The following NCR1 variants were observed in gnomAD, a reference collection of about 807,000 sequenced individuals.
NCR1 encodes the protein NK cell-activating receptor.
A neutral mutation model predicts 32.5 loss-of-function variants in NCR1; 30 were observed. That is an observed-to-expected ratio of 0.92 (90% CI 0.69 to 1.25). The LOEUF is 1.25. Ranked by LOEUF, NCR1 falls within the 50% of genes most tolerant of loss-of-function variation. The probability of loss-of-function intolerance (pLI) is 0.00; values close to 1 mark genes in which losing one functional copy is unlikely to be tolerated. For synonymous variants in NCR1, 169 were observed against 143.4 expected (o/e 1.18, Z -1.28); for missense variants, 369 against 380.7 (o/e 0.97, Z 0.26).
chr19:54,914,855 T>G (rs1445339476), downstream of NCR1, among the ~76,000 whole-genome samples: 2 of 151,748 alleles, frequency 1.3e-5, no homozygotes, highest in Non-Finnish European at 2.9e-5. Flanking sequence ...TTCTCCTTCC[T>G]CAGCCTCCCA....
chr19:54,932,914 C>T, the NCR1 span, among the ~76,000 whole-genome samples: 2 of 151,966 alleles, frequency 1.3e-5, no homozygotes, highest in African/African-American at 4.8e-5. Context: ...ACCACCTGTT[C>T]CCCAATAACC....
intron 5 of NCR1, 119 bp from the exon 6 acceptor site, chr19:54,912,049 C>T (rs1426791369): frequency 5.0e-5 from 43 of 858,804 alleles, no homozygotes; most frequent in Admixed American, 7.6e-5. Flanking sequence ...TCCTGGGACC[C>T]GCAGGGTGAG....
At chr19:54,903,052 C>G (rs965213449), upstream of NCR1, among the ~76,000 whole-genome samples, 18 of 151,986 alleles carry the variant, frequency 1.2e-4, no homozygotes, top group African/African-American at 4.3e-4. Context: ...ATTGCTTGAA[C>G]CCAGGAGGTG....
the NCR1 span, among the ~76,000 whole-genome samples, chr19:54,901,009 G>A: frequency 1.3e-5 from 2 of 151,798 alleles, no homozygotes; most frequent in Non-Finnish European, 2.9e-5. Context: ...AAAAGGCCGG[G>A]TGCGGTGGCT....
chr19:54,909,868 G>T (rs2067865810), intron 4 of NCR1, 150 bp from the exon 5 acceptor site: 2 of 687,188 alleles, frequency 2.9e-6, no homozygotes, highest in Non-Finnish European at 2.4e-6. Flanking sequence ...CCGGGAGGCG[G>T]GGGTTGTAGT....
chr19:54,919,208 A>C (rs2068192127), downstream of NCR1, among the ~76,000 whole-genome samples: 1 of 150,762 alleles, frequency 6.6e-6, no homozygotes, highest in Non-Finnish European at 1.5e-5. Context: ...GTAGAAATAA[A>C]GACACAAGAC....
chr19:54,938,014 G>A, the NCR1 span: 1 of 1,549,204 alleles, frequency 6.5e-7, no homozygotes, highest in African/African-American at 1.4e-5. Context: ...ATCGTTCAGG[G>A]TCTTCCTTGC....
At chr19:54,936,177 G>T in the NCR1 span, 6 of 1,229,644 alleles carry the variant, frequency 4.9e-6, no homozygotes, top group Non-Finnish European at 7.2e-6. Flanking sequence ...GGCATCTGGA[G>T]TGGTTACCCT....
the NCR1 span, among the ~76,000 whole-genome samples, chr19:54,922,328 C>T: frequency 0.11 from 16,437 of 152,152 alleles, 1,074 homozygotes; most frequent in Middle Eastern, 0.25. Flanking sequence ...AGGAAAATTG[C>T]GGAGTGACTT....
downstream of NCR1, among the ~76,000 whole-genome samples, chr19:54,920,418 T>C (rs1056418252): frequency 3.3e-5 from 5 of 152,182 alleles, no homozygotes; most frequent in Non-Finnish European, 5.9e-5. Context: ...CCAAACGTCA[T>C]GTACAAGCCC....
the NCR1 span, among the ~76,000 whole-genome samples, chr19:54,930,864 C>T: frequency 6.6e-6 from 1 of 151,896 alleles, no homozygotes; most frequent in Non-Finnish European, 1.5e-5. Flanking sequence ...TATAGGTGCC[C>T]GCCACCTATA....
At chr19:54,933,620 T>C in the NCR1 span, 1 of 1,614,148 alleles carries the variant, frequency 6.2e-7, no homozygotes, top group Non-Finnish European at 8.5e-7. Context: ...ACACAGAAAC[T>C]TCACCCCTGT....
chr19:54,917,311 CAAA>C (rs113522104), downstream of NCR1, among the ~76,000 whole-genome samples: 5 of 146,952 alleles, frequency 3.4e-5, no homozygotes, highest in African/African-American at 1.3e-4. Flanking sequence ...TGTGACTCCT[CAAA>C]AAAAAACAAA....
chr19:54,915,786 G>T (rs184085637), downstream of NCR1: 348 of 145,806 alleles, frequency 2.4e-3, no homozygotes, highest in Non-Finnish European at 4.2e-3. Flanking sequence ...AGGTTGCGGT[G>T]AGCCAAAATC....
At chr19:54,899,895 C>A in the NCR1 span, among the ~76,000 whole-genome samples, 1 of 151,802 alleles carries the variant, frequency 6.6e-6, no homozygotes, top group Non-Finnish European at 1.5e-5. Context: ...TTTGGGTCCA[C>A]GAATAAAGCG....
chr19:54,925,693 G>A, the NCR1 span, among the ~76,000 whole-genome samples: 98 of 152,178 alleles, frequency 6.4e-4, no homozygotes, highest in African/African-American at 2.3e-3. Context: ...ACTAAAGGTA[G>A]ATTACGTTAA....
rs2068045188 is a variant in NCR1 at position 54,912,832 on chromosome 19, T to C, written c.876T>C (p.Thr292=). 1 of 1,613,290 alleles carries C rather than the reference T, an allele frequency of 6.2e-7. No homozygotes were observed. Among genetic ancestry groups the C allele is most frequent in the Non-Finnish European group, 8.5e-7 (1 of 1,179,914 alleles). ...RTRERASRAS[T]WEGRRRLNTQ... The stretch of plus-strand genomic sequence containing the variant: ...GAGAGCGAGCCAGCAGAGCTTCCAC[T>C]TGGGAAGGCAGGAGAAGGCTGAACA... The change falls in exon 7 of 7, where the codon ACT becomes ACC. Residue 292 remains threonine (T), a synonymous_variant. Transcript: ENST00000291890.
the NCR1 span, among the ~76,000 whole-genome samples, chr19:54,937,090 C>A: frequency 0.026 from 3,741 of 144,094 alleles, 149 homozygotes; most frequent in African/African-American, 0.087. Flanking sequence ...TGGTGGCGGG[C>A]GCCTGTAGTC....
At chr19:54,930,477 G>A in the NCR1 span, 1 of 1,555,310 alleles carries the variant, frequency 6.4e-7, no homozygotes, top group East Asian at 2.2e-5. Flanking sequence ...AAGAAAGAAA[G>A]AAGAAAAAGA....
Sources: allele counts gnomAD v4.1 joint callset (sites outside exome capture counted in the v4.1 genomes callset), GRCh38; gene constraint gnomAD v4.1.1; transcripts MANE v1.5; gene names NCBI Gene and HGNC (gene_info 2026-07-23, HGNC 2026-07-21).